INO80: variants seen among roughly 807,000 people sequenced by gnomAD.
INO80 encodes chromatin-remodeling ATPase INO80.
A neutral mutation model predicts 203.4 loss-of-function variants in INO80; 20 were observed. The observed-to-expected ratio is 0.10, with a 90% CI of 0.07 to 0.14. INO80 has a LOEUF of 0.14. Among genes scored for constraint, INO80 ranks in the 10% least tolerant of loss-of-function variants. The pLI, the probability that INO80 is intolerant of heterozygous loss-of-function variation, is 1.00. For missense variants in INO80, 1,419 were observed against 1,914.4 expected (o/e 0.74, Z 4.83); for synonymous variants, 726 against 685.2 (o/e 1.06, Z -0.93).
At chr15:41,020,586 C>T (rs1033885589) in intron 26 of INO80, among the ~76,000 whole-genome samples, 1 of 151,770 alleles carries the variant, frequency 6.6e-6, no homozygotes, top group African/African-American at 2.4e-5. Context: ...GGCAATGGCA[C>T]AAGACAACCG....
chr15:40,980,164 A>G lies in INO80; in HGVS notation c.*59T>C, dbSNP rs779106924. On this transcript the variant is annotated 3_prime_UTR_variant, in exon 36 of 36. Transcript: ENST00000648947. ...GCACGGGGCAAGCCATCCAAAGACC[A>G]CTGGCAGGTCAGGACTCTAGCCCTG... 1.5e-6 allele frequency: 2 copies of G among 1,377,162 alleles called. No homozygotes were observed. The highest frequency in any genetic ancestry group is 2.1e-6 in the Non-Finnish European group (2 of 966,884). 85.3% of individuals were successfully genotyped at this position (1,377,162 alleles called of 1,614,324 possible). A position where few individuals can be genotyped will look rare whatever the true frequency, so the allele number is the denominator to read the frequency against.
Position 41,087,701 on chromosome 15 carries a change from A to G in INO80, c.538-19T>C. The G allele has an allele frequency of 1.9e-6, 3 of 1,603,282 alleles. No individual in the cohort carries two copies. The highest frequency in any genetic ancestry group is 2.6e-6 in the Non-Finnish European group (3 of 1,176,288). The stretch of plus-strand genomic sequence containing the variant: ...GCTGCAACTGAAGCAGGCAAAGACC[A>G]TGATGGGCCTGTTTTCTATAGTACA... On this transcript the variant is annotated intron_variant, in intron 5 of 35. Coordinates refer to ENST00000648947, the MANE Select transcript of INO80 (RefSeq NM_017553.3).
intron 15 of INO80, among the ~76,000 whole-genome samples, 186 bp downstream of exon 15, chr15:41,059,681 G>T (rs1182443408): frequency 6.6e-6 from 1 of 151,752 alleles, no homozygotes; most frequent in Non-Finnish European, 1.5e-5. Flanking sequence ...ATTAATCCTG[G>T]AAATCAAGTC....
chr15:40,985,824 C>G (rs1283425534), intron 31 of INO80, among the ~76,000 whole-genome samples: 1 of 152,056 alleles, frequency 6.6e-6, no homozygotes, highest in South Asian at 2.1e-4. Context: ...AGGAGGACTG[C>G]CTGAGCCCAG....
chr15:41,022,738 C>G (rs2044312957), intron 25 of INO80, among the ~76,000 whole-genome samples: 1 of 152,162 alleles, frequency 6.6e-6, no homozygotes. Context: ...AGTTCCAAAA[C>G]CAGTTCACAA....
intron 23 of INO80, among the ~76,000 whole-genome samples, chr15:41,046,522 GGCC>G (rs1267606873): frequency 1.3e-5 from 2 of 150,862 alleles, no homozygotes; most frequent in Non-Finnish European, 3.0e-5. Flanking sequence ...CACTGCGCCT[GGCC>G]TATTTAAGAT....
chr15:41,036,156 G>GAAAAA (rs369185302), intron 24 of INO80, among the ~76,000 whole-genome samples: 26 of 32,136 alleles, frequency 8.1e-4, no homozygotes, highest in African/African-American at 1.7e-3. Context: ...ACTCTCTCTC[G>GAAAAA]AAAAAAAAAA....
In INO80 at chr15:41,045,008, G is replaced by C; in HGVS notation, c.2803C>G (p.Pro935Ala). 1 of 1,613,902 alleles carries C rather than the reference G, an allele frequency of 6.2e-7. No homozygotes were observed. The highest frequency in any genetic ancestry group is 1.3e-5 in the African/African-American group (1 of 75,006). ...TATCTCTGGTGGCTCTCCCCTTCTG[G>C]CGCTCCCCAGGAGCGTAGCTGATGG... ...RLHQLRSWGAPEGESHQRYLR... is the reference protein window; with the variant it reads ...RLHQLRSWGAAEGESHQRYLR... Residue 935 changes from proline (P) to alanine (A), a missense_variant, in exon 24 of 36, where the codon CCA becomes GCA. Around this residue, in one of 9 missense-constraint regions of INO80, gnomAD observed 302 missense variants for 345.4 expected, o/e 0.87. Transcript: ENST00000648947.
In INO80 at chr15:41,056,642, T is replaced by C; in HGVS notation, c.2050A>G (p.Ile684Val). The C allele has an allele frequency of 1.2e-6, 2 of 1,613,926 alleles. No individual in the cohort carries two copies. Among genetic ancestry groups the C allele is most frequent in the South Asian group, 1.1e-5 (1 of 91,080 alleles). The change falls in exon 17 of 36, where the codon ATT becomes GTT. Residue 684 changes from isoleucine to valine, a missense_variant. By Grantham distance (29) the Ile-to-Val change is conservative. Transcript: ENST00000648947. ...RNRLLLTGTP[I>V]QNTMAELWAL... Reference sequence around the variant, plus strand: ...CCTACCTCTGCCATGGTGTTCTGAATTGGGGTCCCGGTTAGCAAAAGCCGA... The same window carrying C: ...CCTACCTCTGCCATGGTGTTCTGAACTGGGGTCCCGGTTAGCAAAAGCCGA...
chr15:41,085,372 T>G lies in INO80; in HGVS notation c.870A>C (p.Pro290=). ...VWLSIVKKEL[P]KANKQKASAR... ...TCTCCTGGAGGCATTCACTTACCTT[T>G]GGTAGTTCCTTTTTCACAATGCTGA... is the stretch of plus-strand genomic sequence containing the variant. The change falls in exon 7 of 36, where the codon CCA becomes CCC. Residue 290 remains proline, a synonymous_variant. Transcript: ENST00000648947. 1.2e-6 allele frequency: 2 copies of G among 1,613,938 alleles called. No individual in the cohort carries two copies. Among genetic ancestry groups the G allele is most frequent in the South Asian group, 2.2e-5 (2 of 91,078 alleles).
chr15:41,016,825 T>G (rs947554815), intron 26 of INO80: 1 of 152,408 alleles, frequency 6.6e-6, no homozygotes, highest in Non-Finnish European at 1.5e-5. Context: ...CCTGAGTAGC[T>G]TGGACTACAA....
chr15:41,072,837 G>A (rs1320993911), intron 11 of INO80, among the ~76,000 whole-genome samples: 1 of 151,000 alleles, frequency 6.6e-6, no homozygotes, highest in Non-Finnish European at 1.5e-5. Flanking sequence ...CTGGAGTGCA[G>A]TGGCACAATC....
In INO80 at chr15:41,079,952, C is replaced by G. The variant is rs772928294; in HGVS notation, c.928-48G>C. Reference sequence around the variant, plus strand: ...AGCGGAAAGGACCCCATACCAGAAGCTGGTTCTTCCTGGACTCTAAACCAC... The same window carrying G: ...AGCGGAAAGGACCCCATACCAGAAGGTGGTTCTTCCTGGACTCTAAACCAC... On this transcript the variant is annotated intron_variant, in intron 8 of 35. Coordinates refer to ENST00000648947, the MANE Select transcript of INO80 (RefSeq NM_017553.3). 2.7e-5 allele frequency: 41 copies of G among 1,504,728 alleles called. No homozygotes were observed. In the African/African-American group the frequency reaches 3.2e-4, roughly 12 times the overall value. 93.2% of individuals were successfully genotyped at this position (1,504,728 alleles called of 1,614,324 possible). A position where few individuals can be genotyped will look rare whatever the true frequency, so the allele number is the denominator to read the frequency against.
chr15:41,091,876 T>C (rs2045649788), intron 5 of INO80, 151 bp downstream of exon 5: 1 of 522,956 alleles, frequency 1.9e-6, no homozygotes, highest in Non-Finnish European at 3.3e-6. Context: ...ATGGTTTCAA[T>C]TTCTTGACCT....
At chr15:40,992,254 C>T (rs964140004) in intron 29 of INO80, among the ~76,000 whole-genome samples, 53 of 152,360 alleles carry the variant, frequency 3.5e-4, no homozygotes, top group Admixed American at 2.6e-3. Context: ...ATTCTCACTA[C>T]ACATAAGCAT....
At chr15:41,059,836 A>T in intron 15 of INO80, 31 bp downstream of exon 15, 1 of 1,408,368 alleles carries the variant, frequency 7.1e-7, no homozygotes, top group Non-Finnish European at 1.0e-6. Context: ...CATGTACGGT[A>T]CGTATGTATG....
intron 30 of INO80, 105 bp from the exon 31 acceptor site, chr15:40,987,298 C>T (rs2043750565): frequency 1.6e-6 from 1 of 629,288 alleles, no homozygotes; most frequent in Admixed American, 2.7e-5. Context: ...CAGGGGAGGC[C>T]TCTGGTTTCC....
chr15:41,080,577 C>T lies in INO80; in HGVS notation c.927+443G>A, dbSNP rs938651712. On this transcript the variant is annotated intron_variant, in intron 8 of 35. Coordinates refer to ENST00000648947, the MANE Select transcript of INO80 (RefSeq NM_017553.3). ...TTTTATTTAATAAACAGATTGAGGC[C>T]GGGCGCGGTGGCTCATGCCTGTAAT... Among the ~76,000 whole-genome samples, 8 of 152,220 alleles carry T rather than the reference C, an allele frequency of 5.3e-5. No individual in the cohort carries two copies. The East Asian group carries it at 5.8e-4, about 11-fold the overall frequency.
intron 17 of INO80, among the ~76,000 whole-genome samples, chr15:41,055,863 T>C (rs570478336): frequency 6.6e-6 from 1 of 152,222 alleles, no homozygotes; most frequent in South Asian, 2.1e-4. Context: ...CAAAGTTGAG[T>C]AGCTGCAACC....
Sources: allele counts gnomAD v4.1 joint callset (sites outside exome capture counted in the v4.1 genomes callset), GRCh38; gene constraint gnomAD v4.1.1; regional missense constraint gnomAD v4.1.1; transcripts MANE v1.5; gene names NCBI Gene and HGNC (gene_info 2026-07-23, HGNC 2026-07-21).